The following LY75 variants were observed in gnomAD, a reference collection of about 807,000 sequenced individuals.
LY75 encodes lymphocyte antigen 75, also known as C-type lectin domain family 13 member B.
A neutral mutation model predicts 231.7 loss-of-function variants in LY75; 185 were observed. The observed-to-expected ratio is 0.80, with a 90% CI of 0.71 to 0.90. LY75 has a LOEUF of 0.90. LY75 is among the 40% of genes least tolerant of loss of function. The pLI, the probability that LY75 is intolerant of heterozygous loss-of-function variation, is 0.00. For synonymous variants in LY75, 668 were observed against 689.0 expected (o/e 0.97, Z 0.48); for missense variants, 1,947 against 2,050.2 (o/e 0.95, Z 0.97).
intron 14 of LY75, among the ~76,000 whole-genome samples, chr2:159,863,729 A>G (rs1473076974): frequency 6.6e-6 from 1 of 152,174 alleles, no homozygotes; most frequent in Non-Finnish European, 1.5e-5. Context: ...CAGATGGCCT[A>G]CATGTATGTT....
chr2:159,836,421 C>T (rs915852848), intron 25 of LY75, among the ~76,000 whole-genome samples: 8 of 152,084 alleles, frequency 5.3e-5, no homozygotes, highest in Non-Finnish European at 1.2e-4. Flanking sequence ...TGAACGTCTG[C>T]CTTTACACCC....
At position 159,882,210 on chromosome 2, in the gene LY75, G is replaced by T. The variant is rs760516310; in HGVS notation, c.1160C>A (p.Ala387Glu). Residue 387 changes from alanine (A) to glutamate (E), a missense_variant, in exon 7 of 35, where the codon GCG becomes GAG. Coordinates refer to ENST00000263636, the MANE Select transcript of LY75 (RefSeq NM_002349.4). ...NESNSWDKAH[A>E]KCKAFSSDLI... ...GTCACTACTGAAGGCTTTGCATTTC[G>T]CATGTGCCTTATCCCAGGAATTACT... The T allele has an allele frequency of 6.8e-6, 11 of 1,613,984 alleles. No homozygotes were observed. Among genetic ancestry groups the T allele is most frequent in the Admixed American group, 1.7e-5 (1 of 59,996 alleles).
rs939676844 is a variant in LY75 at position 159,842,178 on chromosome 2, T to C, written c.3280+67A>G. 2.6e-6 allele frequency: 4 copies of C among 1,517,800 alleles called. No individual in the cohort carries two copies. The African/African-American group carries it at 6.0e-5, about 23-fold the overall frequency. 94.0% of individuals were successfully genotyped at this position (1,517,800 alleles called of 1,614,324 possible). On this transcript the variant is annotated intron_variant, in intron 24 of 34. Coordinates refer to ENST00000263636, the MANE Select transcript of LY75 (RefSeq NM_002349.4). Reference sequence around the variant, plus strand: ...CCTCCCTCCCTATAGAAAGTGACTCTCTCTCTCTCTATATATATATATGTA... The same window carrying C: ...CCTCCCTCCCTATAGAAAGTGACTCCCTCTCTCTCTATATATATATATGTA...
chr2:159,889,135 T>C (rs980129330), intron 4 of LY75, among the ~76,000 whole-genome samples: 20 of 152,312 alleles, frequency 1.3e-4, no homozygotes, highest in African/African-American at 3.8e-4. Flanking sequence ...GAAAGAGTTA[T>C]AGAATTTTAC....
At chr2:159,807,766 A>G (rs895901749) in intron 33 of LY75, 9 of 945,778 alleles carry the variant, frequency 9.5e-6, no homozygotes, top group Admixed American at 6.2e-5. Context: ...AACTTTGCAT[A>G]AAATGTGAAA....
At chr2:159,899,386 T>C (rs1401367543) in intron 1 of LY75, among the ~76,000 whole-genome samples, 1 of 152,222 alleles carries the variant, frequency 6.6e-6, no homozygotes, top group African/African-American at 2.4e-5. Context: ...AGCTAATCCA[T>C]GTAAAGCGTG....
At chr2:159,842,822 C>A (rs919561257) in intron 23 of LY75, among the ~76,000 whole-genome samples, 4 of 151,936 alleles carry the variant, frequency 2.6e-5, no homozygotes, top group Middle Eastern at 3.2e-3. Context: ...ATCTAGATTT[C>A]ATTTTCTAAT....
chr2:159,869,319 AG>A, intron 13 of LY75, among the ~76,000 whole-genome samples: 1 of 151,912 alleles, frequency 6.6e-6, no homozygotes, highest in Non-Finnish European at 1.5e-5. Context: ...AAAAAGAAAA[AG>A]AAAGGCCATG....
At chr2:159,831,074 T>C (rs563187346) in intron 28 of LY75, among the ~76,000 whole-genome samples, 1 of 152,318 alleles carries the variant, frequency 6.6e-6, no homozygotes, top group East Asian at 1.9e-4. Flanking sequence ...AGTTGCTACA[T>C]AAAAGAGTGA....
At chr2:159,862,179 C>A (rs1354121987) in intron 14 of LY75, among the ~76,000 whole-genome samples, 2 of 151,740 alleles carry the variant, frequency 1.3e-5, no homozygotes, top group Non-Finnish European at 2.9e-5. Context: ...GAAGTCCCAG[C>A]CACTCAGGAG....
chr2:159,844,313 G>A (rs1684130315), intron 23 of LY75, among the ~76,000 whole-genome samples: 1 of 113,128 alleles, frequency 8.8e-6, no homozygotes. Context: ...CGTACAAATA[G>A]GCCTAATGGT....
chr2:159,876,613 C>G (rs187130814), intron 11 of LY75, among the ~76,000 whole-genome samples: 4,815 of 152,116 alleles, frequency 0.032, 113 homozygotes, highest in Non-Finnish European at 0.044. Flanking sequence ...CCTTTCTGGT[C>G]ATAGAATGGA....
At chr2:159,818,131 C>T (rs893431084) in intron 29 of LY75, among the ~76,000 whole-genome samples, 3 of 152,012 alleles carry the variant, frequency 2.0e-5, no homozygotes, top group African/African-American at 7.3e-5. Flanking sequence ...AGAAGAATTT[C>T]AAGTAATTTA....
chr2:159,839,237 C>T (rs1043188706), intron 25 of LY75, among the ~76,000 whole-genome samples: 1 of 152,158 alleles, frequency 6.6e-6, no homozygotes, highest in Non-Finnish European at 1.5e-5. Flanking sequence ...TCTTCAATCG[C>T]ATTTTTTCCA....
intron 24 of LY75, among the ~76,000 whole-genome samples, chr2:159,842,027 A>C (rs1684046470): frequency 6.6e-6 from 1 of 152,118 alleles, no homozygotes; most frequent in South Asian, 2.1e-4. Flanking sequence ...ATTCTTTTAT[A>C]GTATTAAAAA....
Position 159,805,194 on chromosome 2 carries a change from T to A in LY75, c.5019A>T (p.Ile1673=). 1.2e-6 allele frequency: 2 copies of A among 1,614,108 alleles called. No individual in the cohort carries two copies. The highest frequency in any genetic ancestry group is 1.7e-6 in the Non-Finnish European group (2 of 1,179,976). ...GAACTAAGATACTTAGTGTGGCAACTATGATAGCTATTGCTGTGTAATCAG... is the reference window on the plus strand; with the variant it reads ...GAACTAAGATACTTAGTGTGGCAACAATGATAGCTATTGCTGTGTAATCAG... ...LGPDYTAIAI[I]VATLSILVLM... is the part of the protein sequence containing the mutation. Residue 1673 remains isoleucine (I), a synonymous_variant, in exon 35 of 35, where the codon ATA becomes ATT. Transcript: ENST00000263636.
intron 1 of LY75, among the ~76,000 whole-genome samples, chr2:159,904,380 G>A (rs900611093): frequency 6.6e-6 from 1 of 152,186 alleles, no homozygotes; most frequent in African/African-American, 2.4e-5. Context: ...CATCCACCGC[G>A]CCCTCCTCCG....
chr2:159,840,728 C>T lies in LY75; in HGVS notation c.3507+1G>A, dbSNP rs149752222. 3.0e-5 allele frequency: 49 copies of T among 1,613,908 alleles called. No individual in the cohort carries two copies. Among genetic ancestry groups the T allele is most frequent in the Non-Finnish European group, 3.9e-5 (46 of 1,179,946 alleles). On this transcript the variant is annotated splice_donor_variant, in intron 25 of 34. Transcript: ENST00000263636. LOFTEE classifies it high-confidence loss of function. Reference sequence around the variant, plus strand: ...CCTGGCAGTTGGGACTGAACACTTACATCTTGACTGAAGAGTCCGATCCAT... The same window carrying T: ...CCTGGCAGTTGGGACTGAACACTTATATCTTGACTGAAGAGTCCGATCCAT...
chr2:159,873,132 A>G (rs2125868277), intron 12 of LY75, among the ~76,000 whole-genome samples: 1 of 145,494 alleles, frequency 6.9e-6, no homozygotes, highest in East Asian at 2.1e-4. Context: ...AGAAAGGAGA[A>G]AAAGAAAGAA....
Sources: allele counts gnomAD v4.1 joint callset (sites outside exome capture counted in the v4.1 genomes callset), GRCh38; gene constraint gnomAD v4.1.1; transcripts MANE v1.5; gene names NCBI Gene and HGNC (gene_info 2026-07-23, HGNC 2026-07-21).